The following COL15A1 variants were observed in gnomAD, a reference collection of about 807,000 sequenced individuals.
COL15A1 encodes the protein collagen type XV alpha 1 chain.
A neutral mutation model predicts 165.9 loss-of-function variants in COL15A1; 111 were observed. That is an observed-to-expected ratio of 0.67 (90% CI 0.57 to 0.78). The LOEUF is 0.78. COL15A1 is among the 30% of genes least tolerant of loss of function. COL15A1 has a pLI of 0.00. For synonymous variants in COL15A1, 659 were observed against 674.8 expected (o/e 0.98, Z 0.36); for missense variants, 1,745 against 1,789.7 (o/e 0.98, Z 0.45).
At chr9:99,021,956 G>A (rs1839035281) in intron 12 of COL15A1, 135 bp from the exon 13 acceptor site, 1 of 1,211,778 alleles carries the variant, frequency 8.3e-7, no homozygotes. Context: ...CCCTTAAGCT[G>A]TCTCTGCAAA....
intron 2 of COL15A1, among the ~76,000 whole-genome samples, chr9:98,954,067 G>A (rs980459027): frequency 5.9e-5 from 9 of 152,284 alleles, no homozygotes; most frequent in Admixed American, 2.0e-4. Flanking sequence ...GAGACAGTGC[G>A]CAGAAGCTGG....
At chr9:98,995,750 G>A (rs1397544653) in intron 5 of COL15A1, among the ~76,000 whole-genome samples, 1 of 152,180 alleles carries the variant, frequency 6.6e-6, no homozygotes, top group Non-Finnish European at 1.5e-5. Flanking sequence ...GACTCAAGGT[G>A]ATTTCTCTTT....
At chr9:98,997,634 T>C (rs1337799896) in intron 6 of COL15A1, among the ~76,000 whole-genome samples, 1 of 152,198 alleles carries the variant, frequency 6.6e-6, no homozygotes, top group East Asian at 1.9e-4. Context: ...GAGAAACTGA[T>C]GGCCAGAGAG....
At chr9:99,036,578 T>A (rs1437950906) in intron 21 of COL15A1, among the ~76,000 whole-genome samples, 182 bp downstream of exon 21, 1 of 152,226 alleles carries the variant, frequency 6.6e-6, no homozygotes, top group Non-Finnish European at 1.5e-5. Context: ...TTCTCTCACA[T>A]GGTGCTTCTA....
At chr9:99,069,314 C>T (rs2416665) in intron 41 of COL15A1, among the ~76,000 whole-genome samples, 7,692 of 152,246 alleles carry the variant, frequency 0.051, 244 homozygotes, top group Middle Eastern at 0.11. Flanking sequence ...TTCATTTTTA[C>T]TTAGGGGTGA....
At chr9:98,981,747 C>T (rs2118872505) in intron 2 of COL15A1, among the ~76,000 whole-genome samples, 1 of 152,256 alleles carries the variant, frequency 6.6e-6, no homozygotes, top group South Asian at 2.1e-4. Flanking sequence ...GGAGCTTCAG[C>T]TGAATTGATA....
At chr9:99,040,476 A>T (rs1380917857) in intron 22 of COL15A1, 45 bp from the exon 23 acceptor site, 1 of 1,614,082 alleles carries the variant, frequency 6.2e-7, no homozygotes, top group East Asian at 2.2e-5. Flanking sequence ...TGACTCTGGA[A>T]ATGCCGCTCC....
In COL15A1 at chr9:99,066,599, G is replaced by GTTTT. The variant is rs67961829; in HGVS notation, c.3652-261_3652-258dup. ...TTTGGTCCAAGCAATATTTTGTTCT[G>GTTTT]TTTTTTTTTTTTTTTTTTTTTTTTT... On this transcript the variant is annotated intron_variant, in intron 39 of 41. Transcript: ENST00000375001. Among the ~76,000 whole-genome samples the GTTTT allele has an allele frequency of 1.7e-3, 118 of 71,038 alleles. 11 individuals are homozygous for GTTTT. Among genetic ancestry groups the GTTTT allele is most frequent in the Non-Finnish European group, 2.4e-3 (87 of 35,718 alleles). The allele number at this position is 71,038 out of a possible 152,430, so 46.6% of individuals were successfully genotyped here.
chr9:99,015,346 C>T, intron 9 of COL15A1, 71 bp from the exon 10 acceptor site: 1 of 1,049,042 alleles, frequency 9.5e-7, no homozygotes, highest in South Asian at 1.3e-5. Context: ...CTTTCCACCC[C>T]CCAGCCTCAC....
At chr9:98,978,337 C>T (rs1838177045) in intron 2 of COL15A1, among the ~76,000 whole-genome samples, 1 of 152,186 alleles carries the variant, frequency 6.6e-6, no homozygotes, top group African/African-American at 2.4e-5. Flanking sequence ...AACGCTTAAC[C>T]TGGCCCTGGA....
chr9:99,056,327 C>T lies in COL15A1; in HGVS notation c.3260C>T (p.Pro1087Leu), dbSNP rs377477842. The change falls in exon 35 of 42, where the codon CCT (proline) becomes CTT (leucine). Residue 1087 changes from proline (P) to leucine (L), a missense_variant. Coordinates refer to ENST00000375001, the MANE Select transcript of COL15A1 (RefSeq NM_001855.5). ...PPGAPGLPGP[P>L]GFGRPGDPGP... Reference sequence around the variant, plus strand: ...GGTGCTCCTGGTCTGCCTGGGCCACCTGGCTTTGGAAGACCTGGTGATCCT... The same window carrying T: ...GGTGCTCCTGGTCTGCCTGGGCCACTTGGCTTTGGAAGACCTGGTGATCCT... 2.5e-5 allele frequency: 41 copies of T among 1,614,026 alleles called. 1 individual carries two copies. In the African/African-American group the frequency reaches 4.7e-4, roughly 18 times the overall value.
chr9:99,050,593 G>A (rs139106995), intron 30 of COL15A1, among the ~76,000 whole-genome samples: 17 of 152,308 alleles, frequency 1.1e-4, no homozygotes, highest in Non-Finnish European at 2.1e-4. Flanking sequence ...TGGGGAGGGT[G>A]GGCCTTGTGT....
chr9:98,986,628 A>G (rs1433210325), intron 3 of COL15A1, among the ~76,000 whole-genome samples: 1 of 152,196 alleles, frequency 6.6e-6, no homozygotes. Flanking sequence ...TACTATCAAA[A>G]TGGGCTTTTA....
rs1024935070 is a variant in COL15A1, at chr9:99,049,957, G to T, written c.2904+62G>T. The T allele has an allele frequency of 1.1e-5, 18 of 1,608,324 alleles. No homozygotes were observed. The African/African-American group carries it at 2.0e-4, about 18-fold the overall frequency. The stretch of plus-strand genomic sequence containing the variant: ...GCATGGATAGCAACTTGGAGAAAAA[G>T]ATCAGTCTTTGTCTTGGGCCCTTTC... On this transcript the variant is annotated intron_variant, in intron 30 of 41. Transcript: ENST00000375001.
At chr9:99,068,751 C>A in intron 41 of COL15A1, 81 bp downstream of exon 41, 1 of 818,566 alleles carries the variant, frequency 1.2e-6, no homozygotes, top group Non-Finnish European at 1.9e-6. Context: ...CCTTTATCAG[C>A]TGCTTCTCTA....
chr9:99,037,465 T>A (rs185323084), intron 21 of COL15A1, among the ~76,000 whole-genome samples: 163 of 152,288 alleles, frequency 1.1e-3, no homozygotes, highest in Non-Finnish European at 1.9e-3. Context: ...ACACCTGTAA[T>A]CTCAGCACTT....
Position 99,034,587 on chromosome 9 carries a change from A to AG in COL15A1, c.2079+3_2079+4insG. ...CTAATGGCTCAGTTGGTGAAAAGGT[A>AG]AAAAAAAAAAAAAAAAAAAAAAAAA... On this transcript the variant is annotated splice_donor_region_variant and intron_variant, in intron 17 of 41. Coordinates refer to ENST00000375001, the MANE Select transcript of COL15A1 (RefSeq NM_001855.5). The AG allele has an allele frequency of 1.0e-5, 1 of 96,292 alleles. No homozygotes were observed. Among genetic ancestry groups the AG allele is most frequent in the Non-Finnish European group, 1.7e-5 (1 of 57,400 alleles). 6.0% of individuals were successfully genotyped at this position (96,292 alleles called of 1,614,324 possible).
Position 99,015,545 on chromosome 9 carries a change from C to G in COL15A1, c.1482C>G (p.Ala494=), listed in dbSNP as rs1838916635. ...TGGCTCCCCTCACAGCCACCATGGC[C>G]CCTGAGCGGGCAGTCACTTCTGTAA... is the stretch of plus-strand genomic sequence containing the variant. The part of the protein sequence containing the change: ...DGLAPLTATM[A]PERAVTSGPG... The change falls in exon 10 of 42, where the codon GCC becomes GCG. Residue 494 remains alanine, a synonymous_variant. Coordinates refer to ENST00000375001, the MANE Select transcript of COL15A1 (RefSeq NM_001855.5). 6.2e-7 allele frequency: 1 copy of G among 1,613,854 alleles called. No homozygotes were observed. The highest frequency in any genetic ancestry group is 8.5e-7 in the Non-Finnish European group (1 of 1,179,962).
At position 99,066,947 on chromosome 9, in the gene COL15A1, G is replaced by T; in HGVS notation, c.3717G>T (p.Lys1239Asn). ...TTCGAGCTGATTTTCAGTGCTTCAA[G>T]CAGGCCAGAGCTGCAGGACTGTTGT... Reference protein sequence around the residue: ...GDIRADFQCFKQARAAGLLST... With the variant: ...GDIRADFQCFNQARAAGLLST... The change falls in exon 40 of 42, where the codon AAG (lysine) becomes AAT (asparagine). Residue 1239 changes from lysine (K) to asparagine (N), a missense_variant. Lys to Asn is a moderately conservative substitution (Grantham distance 94). Coordinates refer to ENST00000375001, the MANE Select transcript of COL15A1 (RefSeq NM_001855.5). 1 of 1,614,116 alleles carries T rather than the reference G, an allele frequency of 6.2e-7. No homozygotes were observed. The highest frequency in any genetic ancestry group is 8.5e-7 in the Non-Finnish European group (1 of 1,180,008).
Sources: allele counts gnomAD v4.1 joint callset (sites outside exome capture counted in the v4.1 genomes callset), GRCh38; gene constraint gnomAD v4.1.1; transcripts MANE v1.5; gene names NCBI Gene and HGNC (gene_info 2026-07-23, HGNC 2026-07-21).